Variants in LOC400499 observed in about 807,000 individuals in gnomAD.
chr16:11,423,314 G>A, the LOC400499 span: 6 of 399,072 alleles, frequency 1.5e-5, no homozygotes, highest in South Asian at 2.5e-4. Flanking sequence ...AGAGTGAACC[G>A]TCGTGGATGC....
At chr16:11,514,728 T>C in the LOC400499 span, among the ~76,000 whole-genome samples, 1 of 151,948 alleles carries the variant, frequency 6.6e-6, no homozygotes, top group African/African-American at 2.4e-5. Context: ...CTCGCCTGGA[T>C]TGTGGCAACA....
the LOC400499 span, chr16:11,487,228 C>T: frequency 5.0e-6 from 2 of 398,532 alleles, no homozygotes; most frequent in Admixed American, 4.4e-5. Flanking sequence ...CTAGGAGAGG[C>T]CCTGCAGAGG....
the LOC400499 span, among the ~76,000 whole-genome samples, chr16:11,410,162 C>CA: frequency 2.6e-4 from 39 of 151,984 alleles, no homozygotes; most frequent in Admixed American, 2.1e-3. Context: ...ATTCTAAAAA[C>CA]AAAAAATAAG....
the LOC400499 span, among the ~76,000 whole-genome samples, chr16:11,449,505 C>T: frequency 3.9e-5 from 6 of 152,278 alleles, no homozygotes; most frequent in South Asian, 1.2e-3. Context: ...TGGGTGTCAT[C>T]TGGCTCGTTT....
the LOC400499 span, chr16:11,372,819 G>T: frequency 1.8e-6 from 1 of 547,938 alleles, no homozygotes. Flanking sequence ...AATAAATTAT[G>T]CTAGGGCCCC....
chr16:11,407,722 T>C, the LOC400499 span, among the ~76,000 whole-genome samples: 1 of 152,182 alleles, frequency 6.6e-6, no homozygotes, highest in Non-Finnish European at 1.5e-5. Flanking sequence ...ACTCCAAGTG[T>C]GGATCTACCA....
the LOC400499 span, chr16:11,449,059 C>T: frequency 4.7e-6 from 7 of 1,486,290 alleles, no homozygotes; most frequent in Admixed American, 2.0e-5. Context: ...GACTCGAGTT[C>T]GCTCCAGCTG....
chr16:11,441,787 G>A, the LOC400499 span, among the ~76,000 whole-genome samples: 1 of 152,180 alleles, frequency 6.6e-6, no homozygotes, highest in Admixed American at 6.5e-5. Context: ...CCACAAGCTG[G>A]AAAAGGAAAG....
chr16:11,388,284 C>A, the LOC400499 span, among the ~76,000 whole-genome samples: 1 of 152,152 alleles, frequency 6.6e-6, no homozygotes, highest in African/African-American at 2.4e-5. Context: ...CAAGCCAAAC[C>A]CCGCCCTGGG....
chr16:11,393,054 C>T, the LOC400499 span, among the ~76,000 whole-genome samples: 1 of 152,076 alleles, frequency 6.6e-6, no homozygotes, highest in African/African-American at 2.4e-5. Context: ...TGGGGTTTCA[C>T]CGTGTTAGCC....
the LOC400499 span, among the ~76,000 whole-genome samples, chr16:11,501,736 G>C: frequency 1.3e-5 from 2 of 151,900 alleles, no homozygotes; most frequent in Non-Finnish European, 2.9e-5. Flanking sequence ...GACTCTCCAC[G>C]CCCCCAGCAG....
chr16:11,424,338 G>A, the LOC400499 span: 3 of 399,732 alleles, frequency 7.5e-6, no homozygotes, highest in East Asian at 7.1e-5. Flanking sequence ...TGCCTCGGAG[G>A]GGAGTCCTGG....
the LOC400499 span, chr16:11,469,727 ATTG>A: frequency 2.5e-6 from 1 of 398,734 alleles, no homozygotes; most frequent in Non-Finnish European, 4.4e-6. Flanking sequence ...AGACACTCAC[ATTG>A]TTGTCCTCAC....
chr16:11,432,352 C>T, the LOC400499 span, among the ~76,000 whole-genome samples: 2 of 152,210 alleles, frequency 1.3e-5, no homozygotes, highest in African/African-American at 4.8e-5. Flanking sequence ...CAACATCTAA[C>T]CAACAGACTC....
chr16:11,462,093 G>T, the LOC400499 span: 1 of 1,468,470 alleles, frequency 6.8e-7, no homozygotes, highest in Non-Finnish European at 9.0e-7. Flanking sequence ...GAGCAGAGGG[G>T]ACAGAAGGGG....
chr16:11,435,694 C>G, the LOC400499 span: 2 of 399,086 alleles, frequency 5.0e-6, no homozygotes, highest in Non-Finnish European at 8.8e-6. Context: ...ACAGCTGCAG[C>G]CGAACAGCCC....
At chr16:11,504,558 C>A in the LOC400499 span, among the ~76,000 whole-genome samples, 913 of 146,248 alleles carry the variant, frequency 6.2e-3, 10 homozygotes, top group African/African-American at 0.021. Flanking sequence ...TCCGTCCCCC[C>A]CCCCAAAAAA....
At chr16:11,390,532 C>T in the LOC400499 span, 23 of 1,184,554 alleles carry the variant, frequency 1.9e-5, no homozygotes, top group Middle Eastern at 3.2e-4. Context: ...TGCCCAGACA[C>T]GCCAGGCCTC....
At chr16:11,387,088 G>A in the LOC400499 span, 1 of 1,232,252 alleles carries the variant, frequency 8.1e-7, no homozygotes, top group Non-Finnish European at 1.0e-6. Context: ...GAGGAGGGCG[G>A]CACAGCCCGG....
Sources: gnomAD v4.1 joint callset for allele counts (sites outside exome capture counted in the v4.1 genomes callset) on GRCh38, gnomAD v4.1.1 for gene constraint, MANE v1.5 for transcripts.